PPP1R12B: variants seen among roughly 807,000 people sequenced by gnomAD.
The protein encoded by PPP1R12B is myosin phosphatase target subunit 2.
PPP1R12B carries 76 observed loss-of-function variants against 126.1 expected under a neutral mutation model. The ratio of observed to expected loss-of-function variants is 0.60; its 90% CI spans 0.50 to 0.73. The LOEUF (loss-of-function observed/expected upper bound fraction) is 0.73. PPP1R12B is among the 30% of genes least tolerant of loss of function. The probability of loss-of-function intolerance (pLI) is 0.00; values close to 1 mark genes in which losing one functional copy is unlikely to be tolerated. For missense variants in PPP1R12B, 1,052 were observed against 1,205.1 expected (o/e 0.87, Z 1.88); for synonymous variants, 356 against 434.7 (o/e 0.82, Z 2.25).
chr1:202,479,943 A>G (rs1677146637), intron 13 of PPP1R12B, among the ~76,000 whole-genome samples: 1 of 152,236 alleles, frequency 6.6e-6, no homozygotes, highest in South Asian at 2.1e-4. Flanking sequence ...TCTGAAGGGT[A>G]GCAACAACAA....
At chr1:202,397,253 A>G (rs1250430365) in intron 1 of PPP1R12B, among the ~76,000 whole-genome samples, 1 of 152,172 alleles carries the variant, frequency 6.6e-6, no homozygotes, top group Non-Finnish European at 1.5e-5. Context: ...TAATTCTGAC[A>G]TGTCCTTTCT....
At chr1:202,404,870 C>G (rs1047393770) in intron 1 of PPP1R12B, among the ~76,000 whole-genome samples, 12 of 152,200 alleles carry the variant, frequency 7.9e-5, no homozygotes, top group African/African-American at 2.9e-4. Context: ...TTACTCTGCA[C>G]TATAACACTT....
intron 1 of PPP1R12B, among the ~76,000 whole-genome samples, chr1:202,375,977 G>A (rs1239537827): frequency 6.6e-6 from 1 of 152,180 alleles, no homozygotes; most frequent in Non-Finnish European, 1.5e-5. Flanking sequence ...CTTATTCACT[G>A]TTATGTTAAT....
chr1:202,495,296 A>C lies in PPP1R12B; in HGVS notation c.2149A>C (p.Ile717Leu), dbSNP rs1471435386. ...TCATATTGTGGATTATTTCCAGCCTATCTGTCATCGCCTGAGGTGCCCAGC... is the reference window on the plus strand; with the variant it reads ...TCATATTGTGGATTATTTCCAGCCTCTCTGTCATCGCCTGAGGTGCCCAGC... ...PWGRSLDEEP[I>L]CHRLRCPAQP... is the part of the protein sequence containing the mutation. Residue 717 changes from isoleucine (I) to leucine (L), a missense_variant, in exon 16 of 24, where the codon ATC becomes CTC. Physicochemically the swap from Ile to Leu is conservative, Grantham distance 5. Coordinates refer to ENST00000608999, the MANE Select transcript of PPP1R12B (RefSeq NM_002481.4). The C allele has an allele frequency of 6.4e-7, 1 of 1,551,590 alleles. No homozygotes were observed. Among genetic ancestry groups the C allele is most frequent in the East Asian group, 2.2e-5 (1 of 44,610 alleles).
rs1455358968 is a variant in PPP1R12B, at chr1:202,449,038, A to G, written c.1717A>G (p.Asn573Asp). ...ADTTAEKTAD[N>D]VSSSTPLCVI... ...CACAACAGCAGAGAAAACAGCAGACAATGTCTCTTCTAGCACCCCGCTCTG... is the reference window on the plus strand; with the variant it reads ...CACAACAGCAGAGAAAACAGCAGACGATGTCTCTTCTAGCACCCCGCTCTG... The change falls in exon 13 of 24, where the codon AAT (asparagine) becomes GAT (aspartate). Residue 573 changes from asparagine to aspartate, a missense_variant. Physicochemically the swap from Asn to Asp is conservative, Grantham distance 23. Coordinates refer to ENST00000608999, the MANE Select transcript of PPP1R12B (RefSeq NM_002481.4). The G allele has an allele frequency of 4.3e-6, 7 of 1,613,766 alleles. No homozygotes were observed. Among genetic ancestry groups the G allele is most frequent in the Non-Finnish European group, 5.9e-6 (7 of 1,179,842 alleles).
chr1:202,375,037 G>A (rs1660947829), intron 1 of PPP1R12B, among the ~76,000 whole-genome samples: 1 of 152,076 alleles, frequency 6.6e-6, no homozygotes, highest in Admixed American at 6.6e-5. Flanking sequence ...TCGCCTCCTG[G>A]GTTCAAGCGA....
chr1:202,524,086 G>C (rs191299679), intron 18 of PPP1R12B, among the ~76,000 whole-genome samples: 96 of 152,314 alleles, frequency 6.3e-4, no homozygotes, highest in Non-Finnish European at 1.2e-3. Flanking sequence ...GGTAGCAGCT[G>C]AGCAGCTATT....
intron 1 of PPP1R12B, among the ~76,000 whole-genome samples, chr1:202,392,219 G>C (rs1453128718): frequency 6.6e-5 from 10 of 151,934 alleles, no homozygotes; most frequent in Non-Finnish European, 1.5e-4. Flanking sequence ...ATAACCAAAG[G>C]TGAACACAAC....
chr1:202,514,989 G>T (rs1681945278), intron 18 of PPP1R12B, among the ~76,000 whole-genome samples: 1 of 152,200 alleles, frequency 6.6e-6, no homozygotes, highest in Non-Finnish European at 1.5e-5. Flanking sequence ...CATGTCTTTT[G>T]TGGGAACAAG....
chr1:202,454,848 G>A lies in PPP1R12B; in HGVS notation c.1850+5677G>A, dbSNP rs117455304. Among the ~76,000 whole-genome samples the A allele has an allele frequency of 8.5e-4, 130 of 152,104 alleles. 1 individual carries two copies. In the East Asian group the frequency reaches 0.024, roughly 28 times the overall value. The stretch of plus-strand genomic sequence containing the variant: ...GAGATGGGAAGAGCTCTTGAGCCCC[G>A]GAGTTTGAGGCTACCATGAACTATT... On this transcript the variant is annotated intron_variant, in intron 13 of 23. Transcript: ENST00000608999.
At position 202,440,273 on chromosome 1, in the gene PPP1R12B, C is replaced by T. The variant is rs78645307; in HGVS notation, c.1459-433C>T. ...ATGAGGCATATTGGTTGAATTAACT[C>T]TGCAGCATACTATTGTACATATTCC... On this transcript the variant is annotated intron_variant, in intron 10 of 23. Coordinates refer to ENST00000608999, the MANE Select transcript of PPP1R12B (RefSeq NM_002481.4). 1.8e-3 allele frequency among the ~76,000 whole-genome samples: 267 copies of T among 152,246 alleles called. 8 individuals carry two copies. The East Asian group carries it at 0.043, about 25-fold the overall frequency.
At chr1:202,482,592 G>GT (rs1051656707) in intron 13 of PPP1R12B, among the ~76,000 whole-genome samples, 2 of 152,022 alleles carry the variant, frequency 1.3e-5, no homozygotes, top group Non-Finnish European at 2.9e-5. Context: ...TCAGGTTTTT[G>GT]TTTTTTTGTT....
At chr1:202,460,328 A>G (rs941101950) in intron 13 of PPP1R12B, among the ~76,000 whole-genome samples, 6 of 152,328 alleles carry the variant, frequency 3.9e-5, no homozygotes, top group African/African-American at 1.4e-4. Context: ...TACCACACTT[A>G]TGGACCTTCT....
intron 13 of PPP1R12B, among the ~76,000 whole-genome samples, chr1:202,487,604 TTTTTTTTTTTTC>T: frequency 1.1e-5 from 1 of 93,220 alleles, no homozygotes; most frequent in African/African-American, 4.0e-5. Flanking sequence ...GATACATTTC[TTTTTTTTTTTTC>T]TTTTTTTTGG....
intron 18 of PPP1R12B, among the ~76,000 whole-genome samples, chr1:202,515,962 C>A (rs1682100779): frequency 6.6e-6 from 1 of 152,150 alleles, no homozygotes; most frequent in African/African-American, 2.4e-5. Context: ...GGCAGTGAAG[C>A]CTGAACCCTG....
At chr1:202,434,564 G>A (rs900740918) in intron 8 of PPP1R12B, 92 bp from the exon 9 acceptor site, 32 of 1,475,850 alleles carry the variant, frequency 2.2e-5, no homozygotes, top group Middle Eastern at 1.9e-4. Flanking sequence ...TTTTGATAAT[G>A]GGCAAATCTT....
At position 202,589,134 on chromosome 1, in the gene PPP1R12B, A is replaced by G. The variant is rs1456217537; in HGVS notation, c.*8574A>G. On this transcript the variant is annotated 3_prime_UTR_variant, in exon 24 of 24. Coordinates refer to ENST00000608999, the MANE Select transcript of PPP1R12B (RefSeq NM_002481.4). The stretch of plus-strand genomic sequence containing the variant: ...AGATCCAAAACTATCCTGTAGTTCC[A>G]AACTACAAATGTAGTTAACTTGGGG... 4 of 152,240 alleles carry G rather than the reference A, an allele frequency of 2.6e-5. No homozygotes were observed. Among genetic ancestry groups the G allele is most frequent in the Non-Finnish European group, 5.9e-5 (4 of 68,048 alleles). The allele number at this position is 152,240 out of a possible 1,614,324, so 9.4% of individuals were successfully genotyped here. A position where few individuals can be genotyped will look rare whatever the true frequency, so the allele number is the denominator to read the frequency against.
chr1:202,567,650 G>A, intron 21 of PPP1R12B, 128 bp from the exon 22 acceptor site: 1 of 911,338 alleles, frequency 1.1e-6, no homozygotes, highest in Non-Finnish European at 1.7e-6. Context: ...GGGGATCCCT[G>A]CTATAGGGGA....
chr1:202,370,738 A>G (rs1443407334), intron 1 of PPP1R12B, among the ~76,000 whole-genome samples: 1 of 151,956 alleles, frequency 6.6e-6, no homozygotes, highest in African/African-American at 2.4e-5. Context: ...AGGTTTCACT[A>G]TGTTGGCCAG....
Sources: allele counts gnomAD v4.1 joint callset (sites outside exome capture counted in the v4.1 genomes callset), GRCh38; gene constraint gnomAD v4.1.1; transcripts MANE v1.5; gene names NCBI Gene and HGNC (gene_info 2026-07-23, HGNC 2026-07-21).